Variants in ANO10 observed in about 807,000 individuals in gnomAD.
ANO10 encodes the protein anoctamin-10.
ANO10 carries 77 observed loss-of-function variants against 74.7 expected under a neutral mutation model. The observed-to-expected ratio is 1.03, with a 90% CI of 0.86 to 1.25. ANO10 has a LOEUF of 1.25. ANO10 is among the 50% of genes most tolerant of loss of function. The pLI, the probability that ANO10 is intolerant of heterozygous loss-of-function variation, is 0.00. For synonymous variants in ANO10, 279 were observed against 284.9 expected (o/e 0.98, Z 0.21); for missense variants, 721 against 778.1 (o/e 0.93, Z 0.87).
At chr3:43,399,154 A>C (rs2092435975) in intron 12 of ANO10, among the ~76,000 whole-genome samples, 1 of 152,208 alleles carries the variant, frequency 6.6e-6, no homozygotes, top group African/African-American at 2.4e-5. Context: ...GATGAAACTG[A>C]TTTACATGCG....
Position 43,650,886 on chromosome 3 carries a change from A to G in ANO10, c.-12+40631T>C, listed in dbSNP as rs151284485. ...GGCTTCAAACACACTTGCGGAAGTT[A>G]TATTTATATTAACAGATACCTATGT... On this transcript the variant is annotated intron_variant, in intron 1 of 3. Transcript: ENST00000413397. 6.3e-3 allele frequency among the ~76,000 whole-genome samples: 953 copies of G among 152,356 alleles called. 6 individuals are homozygous for G. The highest frequency in any genetic ancestry group is 9.3e-3 in the Non-Finnish European group (630 of 68,032).
In ANO10 at chr3:43,530,059, C is replaced by T. The variant is rs544657969; in HGVS notation, c.1797+19661G>A. Among the ~76,000 whole-genome samples the T allele has an allele frequency of 5.3e-5, 8 of 151,750 alleles. No homozygotes were observed. The South Asian group carries it at 1.0e-3, about 20-fold the overall frequency. On this transcript the variant is annotated intron_variant, in intron 11 of 12. Transcript: ENST00000292246. ...ACACACTTAGAGTGATTCAGAAAGG[C>T]GAAAACTGAAGATATACTAAGGAAA...
chr3:43,423,651 C>T (rs2092854153), intron 12 of ANO10, among the ~76,000 whole-genome samples: 1 of 152,152 alleles, frequency 6.6e-6, no homozygotes, highest in Admixed American at 6.5e-5. Flanking sequence ...TCTTGCTAGA[C>T]CCAAAAGGTG....
intron 12 of ANO10, among the ~76,000 whole-genome samples, chr3:43,393,837 C>T (rs577866139): frequency 2.6e-4 from 40 of 152,256 alleles, no homozygotes; most frequent in African/African-American, 9.6e-4. Flanking sequence ...TGCTCAGAGA[C>T]TTTGGTCTCT....
intron 11 of ANO10, among the ~76,000 whole-genome samples, chr3:43,515,298 A>G (rs1227313519): frequency 6.6e-6 from 1 of 152,220 alleles, no homozygotes; most frequent in African/African-American, 2.4e-5. Context: ...AATGTGGGTG[A>G]GCCTCATCCA....
At chr3:43,429,058 G>C (rs1358415434) in intron 12 of ANO10, among the ~76,000 whole-genome samples, 2 of 152,114 alleles carry the variant, frequency 1.3e-5, no homozygotes, top group African/African-American at 2.4e-5. Context: ...GTCAGGTAAA[G>C]TGTACCTGAA....
chr3:43,494,472 T>G (rs1021406523), intron 11 of ANO10, among the ~76,000 whole-genome samples: 9 of 151,856 alleles, frequency 5.9e-5, no homozygotes, highest in South Asian at 2.1e-4. Context: ...AAAAATAGAA[T>G]GAATAAATAA....
Position 43,404,494 on chromosome 3 carries a change from T to C in ANO10, c.1914+28117A>G, listed in dbSNP as rs574592267. 3.9e-5 allele frequency among the ~76,000 whole-genome samples: 6 copies of C among 152,296 alleles called. No individual in the cohort carries two copies. The South Asian group carries it at 1.0e-3, about 26-fold the overall frequency. On this transcript the variant is annotated intron_variant, in intron 12 of 12. Transcript: ENST00000292246. Reference sequence around the variant, plus strand: ...CTGAGCAGGGGACCCAGTTAAGCTGTGTTGGAACTCTGGATCCACAGAAAC... The same window carrying C: ...CTGAGCAGGGGACCCAGTTAAGCTGCGTTGGAACTCTGGATCCACAGAAAC...
intron 1 of ANO10, among the ~76,000 whole-genome samples, chr3:43,651,291 A>G (rs962851407): frequency 6.6e-6 from 1 of 152,230 alleles, no homozygotes; most frequent in African/African-American, 2.4e-5. Context: ...TACAGAAGAA[A>G]AACCTACACA....
intron 1 of ANO10, among the ~76,000 whole-genome samples, chr3:43,621,345 A>C (rs1025379553): frequency 6.6e-6 from 1 of 152,140 alleles, no homozygotes; most frequent in African/African-American, 2.4e-5. Context: ...TGTCCCAGTC[A>C]AAAGCCTGGA....
At chr3:43,643,829 AC>A (rs2083698356) in intron 1 of ANO10, among the ~76,000 whole-genome samples, 1 of 150,730 alleles carries the variant, frequency 6.6e-6, no homozygotes, top group Admixed American at 6.6e-5. Context: ...GACTACAGGC[AC>A]CCGCCACCAC....
At chr3:43,603,794 C>T (rs748852899) in intron 2 of ANO10, among the ~76,000 whole-genome samples, 30 of 152,166 alleles carry the variant, frequency 2.0e-4, no homozygotes, top group Non-Finnish European at 3.8e-4. Flanking sequence ...CTGCACCTTT[C>T]GTTATTTTGT....
At chr3:43,397,801 A>G (rs554221243) in intron 12 of ANO10, among the ~76,000 whole-genome samples, 41 of 152,268 alleles carry the variant, frequency 2.7e-4, no homozygotes, top group African/African-American at 9.6e-4. Context: ...TCTGCCTCTC[A>G]GTGGGGCAAA....
intron 11 of ANO10, among the ~76,000 whole-genome samples, chr3:43,464,171 T>A (rs931145753): frequency 2.0e-5 from 3 of 151,918 alleles, no homozygotes; most frequent in Admixed American, 2.0e-4. Context: ...GAATAATACA[T>A]CAATCCTACA....
At chr3:43,375,998 G>C (rs775322628) in intron 12 of ANO10, among the ~76,000 whole-genome samples, 25 of 152,236 alleles carry the variant, frequency 1.6e-4, no homozygotes, top group Non-Finnish European at 2.2e-4. Flanking sequence ...CTGGAGGAAA[G>C]AGAATGGAAG....
intron 12 of ANO10, among the ~76,000 whole-genome samples, chr3:43,412,366 G>C (rs2092679522): frequency 6.6e-6 from 1 of 152,104 alleles, no homozygotes; most frequent in African/African-American, 2.4e-5. Context: ...GGAGAATGAG[G>C]AAAAGGAGGG....
intron 11 of ANO10, among the ~76,000 whole-genome samples, chr3:43,476,497 G>A (rs553082079): frequency 6.6e-6 from 1 of 152,296 alleles, no homozygotes; most frequent in African/African-American, 2.4e-5. Context: ...GGTTCTTGGT[G>A]TCTTCCTGAA....
At chr3:43,498,604 G>C (rs977644453) in intron 11 of ANO10, among the ~76,000 whole-genome samples, 1 of 152,194 alleles carries the variant, frequency 6.6e-6, no homozygotes, top group African/African-American at 2.4e-5. Context: ...CCAAAGCTTA[G>C]CACAGAGGAA....
rs1425824168 is a variant in ANO10 at position 43,638,254 on chromosome 3, A to G, written c.-11-32391T>C. 1.9e-4 allele frequency among the ~76,000 whole-genome samples: 29 copies of G among 152,242 alleles called. 1 individual carries two copies. The highest frequency in any genetic ancestry group is 1.8e-3 in the Admixed American group (28 of 15,278). ...GATGAATAATTTTCACAAGTAAGAA[A>G]TAGATATTTTTGTTGAAATTATGCA... On this transcript the variant is annotated intron_variant, in intron 1 of 3. Coordinates refer to the ANO10 transcript ENST00000413397.
Sources: gnomAD v4.1 joint callset for allele counts (sites outside exome capture counted in the v4.1 genomes callset) on GRCh38, gnomAD v4.1.1 for gene constraint, MANE v1.5 for transcripts, NCBI Gene and HGNC (gene_info 2026-07-23, HGNC 2026-07-21) for gene names.